Variants in NRIP1 observed in about 807,000 individuals in gnomAD.
The protein encoded by NRIP1 is nuclear receptor-interacting protein 1.
A neutral mutation model predicts 75.0 loss-of-function variants in NRIP1; 28 were observed. The observed-to-expected ratio is 0.37, with a 90% CI of 0.28 to 0.51. The LOEUF (loss-of-function observed/expected upper bound fraction) is 0.51. NRIP1 is among the 20% of genes least tolerant of loss of function. NRIP1 has a pLI of 0.92. For missense variants in NRIP1, 1,435 were observed against 1,343.7 expected, an observed-to-expected ratio of 1.07 and a Z score of -1.06; for synonymous variants, 526 against 487.6, an observed-to-expected ratio of 1.08 and a Z score of -1.04.
intron 2 of NRIP1, among the ~76,000 whole-genome samples, chr21:15,038,751 C>T (rs969708798): frequency 2.0e-5 from 3 of 151,828 alleles, no homozygotes; most frequent in Non-Finnish European, 2.9e-5. Flanking sequence ...ATATTCCCTG[C>T]CCCAGAAAAC....
intron 2 of NRIP1, among the ~76,000 whole-genome samples, chr21:15,031,336 G>T (rs1297218): frequency 6.8e-6 from 1 of 146,058 alleles, no homozygotes; most frequent in African/African-American, 2.5e-5. Flanking sequence ...CACTCTGGAA[G>T]GCGCTCGGAG....
chr21:14,974,698 C>T (rs1443564061), intron 3 of NRIP1, among the ~76,000 whole-genome samples: 2 of 152,130 alleles, frequency 1.3e-5, no homozygotes, highest in Non-Finnish European at 2.9e-5. Flanking sequence ...TGTTGAATAC[C>T]GAGCAATGCA....
intron 2 of NRIP1, among the ~76,000 whole-genome samples, chr21:15,024,062 T>A (rs1423560394): frequency 6.6e-6 from 1 of 152,328 alleles, no homozygotes. Context: ...TCTTTAATAT[T>A]TTTAAAACAA....
At chr21:14,991,325 G>GA (rs2087566114) in intron 3 of NRIP1, 2 of 149,810 alleles carry the variant, frequency 1.3e-5, no homozygotes, top group Admixed American at 6.7e-5. Flanking sequence ...TAAAGGAGAA[G>GA]AAAAAATGTT....
intron 3 of NRIP1, among the ~76,000 whole-genome samples, chr21:14,990,468 T>C (rs749996805): frequency 8.5e-5 from 13 of 152,240 alleles, no homozygotes; most frequent in Middle Eastern, 3.4e-3. Flanking sequence ...TTGAGCAAGG[T>C]TGAAGAGACT....
chr21:14,966,329 A>T lies in NRIP1; in HGVS notation c.1864T>A (p.Ser622Thr), dbSNP rs1305859225. ...AGCTTACTGGCACTAAACGTTGCAG[A>T]GTTCTGTGCACCTTCATTTTGGGCT... The part of the protein sequence containing the change: ...KPAQNEGAQN[S>T]ATFSASKLLQ... Residue 622 changes from serine to threonine, a missense_variant, in exon 4 of 4, where the codon TCT becomes ACT. Coordinates refer to ENST00000318948, the MANE Select transcript of NRIP1 (RefSeq NM_003489.4). 1 of 1,613,934 alleles carries T rather than the reference A, an allele frequency of 6.2e-7. No individual in the cohort carries two copies. Among genetic ancestry groups the T allele is most frequent in the East Asian group, 2.2e-5 (1 of 44,898 alleles).
In NRIP1 at chr21:14,983,803, A is replaced by C. The variant is rs189932799; in HGVS notation, c.-334-15277T>G. ...AAATCTACTCTGCCTTTGCTACATA[A>C]ATGGAACAACAAAGCCTGGAGGAAA... On this transcript the variant is annotated intron_variant, in intron 3 of 3. Coordinates refer to ENST00000318948, the MANE Select transcript of NRIP1 (RefSeq NM_003489.4). Among the ~76,000 whole-genome samples the C allele has an allele frequency of 1.2e-3, 187 of 152,304 alleles. 1 individual carries two copies. Among genetic ancestry groups the C allele is most frequent in the Non-Finnish European group, 5.1e-4 (35 of 68,022 alleles).
intron 3 of NRIP1, among the ~76,000 whole-genome samples, chr21:14,990,892 G>A (rs1274533508): frequency 2.0e-5 from 3 of 152,198 alleles, no homozygotes; most frequent in Non-Finnish European, 2.9e-5. Context: ...CACACTGCCT[G>A]CAAAGTTCAT....
rs60109042 is a variant in NRIP1, at chr21:15,010,218, G to T, written c.-335+4126C>A. Among the ~76,000 whole-genome samples, 2,777 of 152,264 alleles carry T rather than the reference G, an allele frequency of 0.018. 231 individuals are homozygous for T. In the East Asian group the frequency reaches 0.27, roughly 15 times the overall value. On this transcript the variant is annotated intron_variant, in intron 3 of 3. Transcript: ENST00000318948. ...CAGATATGCAAACCACAGGCCACAT[G>T]GTTGAAGGGCAAATGTAGCAGAGAA...
At chr21:15,030,717 A>G (rs2088624080) in intron 2 of NRIP1, among the ~76,000 whole-genome samples, 1 of 152,254 alleles carries the variant, frequency 6.6e-6, no homozygotes, top group Admixed American at 6.5e-5. Context: ...AAGGAGGGAG[A>G]GAGGAGGATA....
intron 2 of NRIP1, among the ~76,000 whole-genome samples, chr21:15,017,495 CTA>C (rs2088263797): frequency 6.6e-6 from 1 of 152,150 alleles, no homozygotes; most frequent in Admixed American, 6.5e-5. Flanking sequence ...TGAGCAATTA[CTA>C]TGTCTCAAAC....
intron 3 of NRIP1, among the ~76,000 whole-genome samples, chr21:14,977,777 C>A (rs2087114517): frequency 1.3e-5 from 2 of 152,034 alleles, no homozygotes; most frequent in African/African-American, 2.4e-5. Flanking sequence ...TAATAACTTT[C>A]TTTGAAGTAT....
intron 2 of NRIP1, among the ~76,000 whole-genome samples, chr21:15,023,125 CTG>C (rs1417654858): frequency 6.6e-6 from 1 of 152,084 alleles, no homozygotes; most frequent in Non-Finnish European, 1.5e-5. Flanking sequence ...GATCATGAAA[CTG>C]TTAAAAAAAG....
intron 1 of NRIP1, among the ~76,000 whole-genome samples, chr21:15,054,719 G>A (rs1008222196): frequency 3.9e-5 from 6 of 152,112 alleles, no homozygotes; most frequent in African/African-American, 1.4e-4. Flanking sequence ...CCAGTGGTTG[G>A]GACTGGTACA....
intron 3 of NRIP1, among the ~76,000 whole-genome samples, chr21:14,988,596 ATTCT>A (rs1241588471): frequency 6.6e-6 from 1 of 152,030 alleles, no homozygotes; most frequent in African/African-American, 2.4e-5. Flanking sequence ...TAGGTAATTA[ATTCT>A]TTCACTCATA....
chr21:14,989,357 A>T (rs901801702), intron 3 of NRIP1, among the ~76,000 whole-genome samples: 1 of 152,154 alleles, frequency 6.6e-6, no homozygotes, highest in Admixed American at 6.6e-5. Flanking sequence ...ACAGAATTTC[A>T]TATTTCTTAT....
At chr21:14,974,721 G>T (rs2087002561) in intron 3 of NRIP1, among the ~76,000 whole-genome samples, 1 of 152,182 alleles carries the variant, frequency 6.6e-6, no homozygotes, top group Admixed American at 6.5e-5. Context: ...CTTTCCTAAT[G>T]AATAACTAAC....
intron 3 of NRIP1, chr21:14,992,894 C>T (rs577954365): frequency 2.6e-5 from 4 of 152,760 alleles, no homozygotes; most frequent in Non-Finnish European, 5.9e-5. Flanking sequence ...CATACACATA[C>T]AAACATTAAA....
At chr21:14,972,574 A>C (rs888275200) in intron 3 of NRIP1, among the ~76,000 whole-genome samples, 4 of 152,228 alleles carry the variant, frequency 2.6e-5, no homozygotes, top group African/African-American at 9.6e-5. Flanking sequence ...ATATAACTTA[A>C]GAATGTTGCC....
Sources: gnomAD v4.1 joint callset for allele counts (sites outside exome capture counted in the v4.1 genomes callset) on GRCh38, gnomAD v4.1.1 for gene constraint, MANE v1.5 for transcripts, NCBI Gene and HGNC (gene_info 2026-07-23, HGNC 2026-07-21) for gene names.